Variants in HDAC4 observed in about 807,000 individuals in gnomAD.
The protein encoded by HDAC4 is histone deacetylase A.
Under a neutral mutation model 135.1 loss-of-function variants are expected in HDAC4, and 16 were observed. The ratio of observed to expected loss-of-function variants is 0.12; its 90% CI spans 0.08 to 0.18. The LOEUF is 0.18. HDAC4 is among the 10% of genes least tolerant of loss of function. The pLI, the probability that HDAC4 is intolerant of heterozygous loss-of-function variation, is 1.00. For missense variants in HDAC4, 1,143 were observed against 1,511.8 expected (o/e 0.76, Z 4.05); for synonymous variants, 685 against 653.4 (o/e 1.05, Z -0.74).
At chr2:239,206,366 C>T (rs759524343) in intron 3 of HDAC4, among the ~76,000 whole-genome samples, 9 of 151,430 alleles carry the variant, frequency 5.9e-5, no homozygotes, top group South Asian at 2.1e-4. Flanking sequence ...TTTTAAAATA[C>T]GGCTGTTATA....
chr2:239,322,777 T>C (rs2053356653), intron 2 of HDAC4, among the ~76,000 whole-genome samples: 1 of 152,126 alleles, frequency 6.6e-6, no homozygotes, highest in Admixed American at 6.5e-5. Flanking sequence ...AGCCTGGGTC[T>C]GTCACTCGGC....
intron 1 of HDAC4, among the ~76,000 whole-genome samples, chr2:239,378,709 C>T (rs1008258571): frequency 3.9e-5 from 6 of 152,090 alleles, no homozygotes; most frequent in African/African-American, 9.7e-5. Context: ...CCAATAACCC[C>T]GGGAACCAAT....
At chr2:239,315,286 G>A (rs1215999304) in intron 2 of HDAC4, among the ~76,000 whole-genome samples, 2 of 152,150 alleles carry the variant, frequency 1.3e-5, no homozygotes, top group African/African-American at 4.8e-5. Flanking sequence ...TTGGGCACAT[G>A]TTGTCAGCAC....
chr2:239,149,159 T>G lies in HDAC4; in HGVS notation c.734-4445A>C, dbSNP rs562413965. Reference sequence around the variant, plus strand: ...GCTCATGCCTGTAATCCCAGCACTTTGGGAGGCTGAGGCAGGTGGATCACC... The same window carrying G: ...GCTCATGCCTGTAATCCCAGCACTTGGGGAGGCTGAGGCAGGTGGATCACC... On this transcript the variant is annotated intron_variant, in intron 7 of 26. Transcript: ENST00000543185. 2.2e-4 allele frequency among the ~76,000 whole-genome samples: 33 copies of G among 152,206 alleles called. No homozygotes were observed. The South Asian group carries it at 5.6e-3, about 26-fold the overall frequency.
At chr2:239,161,549 G>A (rs1575240531) in intron 6 of HDAC4, among the ~76,000 whole-genome samples, 1 of 152,270 alleles carries the variant, frequency 6.6e-6, no homozygotes, top group South Asian at 2.1e-4. Context: ...ACTCCATGAT[G>A]TTTAAGTTCA....
At chr2:239,085,140 C>T (rs916574862) in intron 19 of HDAC4, among the ~76,000 whole-genome samples, 1 of 151,978 alleles carries the variant, frequency 6.6e-6, no homozygotes, top group Non-Finnish European at 1.5e-5. Flanking sequence ...ACCAACATTT[C>T]CCTCATCTTC....
chr2:239,144,400 G>A (rs1370346100), intron 8 of HDAC4, among the ~76,000 whole-genome samples, 183 bp downstream of exon 8: 3 of 152,150 alleles, frequency 2.0e-5, no homozygotes, highest in Non-Finnish European at 2.9e-5. Context: ...TAGACATGCC[G>A]GAGTCATCAA....
chr2:239,131,162 G>A (rs1317355251), intron 11 of HDAC4, among the ~76,000 whole-genome samples: 6 of 152,234 alleles, frequency 3.9e-5, no homozygotes, highest in Admixed American at 1.3e-4. Context: ...GGAACTGCCC[G>A]GAGCGGTGCG....
rs1449166423 is a variant in HDAC4, at chr2:239,282,200, TACAATGTACACACCTCTCTAC to T, written c.23-45557_23-45537del. On this transcript the variant is annotated intron_variant, in intron 2 of 26. Coordinates refer to ENST00000543185, the MANE Select transcript of HDAC4 (RefSeq NM_001378414.1). Reference sequence around the variant, plus strand: ...TCTACACACAATGTACACACCACTCTACAATGTACACACCTCTCTACACAATGTACACACCACTCTACAATG... The same window carrying T: ...TCTACACACAATGTACACACCACTCTACAATGTACACACCACTCTACAATG... 2.7e-3 allele frequency among the ~76,000 whole-genome samples: 315 copies of T among 116,896 alleles called. 13 individuals are homozygous for T. The highest frequency in any genetic ancestry group is 5.1e-3 in the East Asian group (16 of 3,138). 76.7% of individuals were successfully genotyped at this position (116,896 alleles called of 152,430 possible). A position where few individuals can be genotyped will look rare whatever the true frequency, so the allele number is the denominator to read the frequency against.
intron 11 of HDAC4, among the ~76,000 whole-genome samples, chr2:239,129,807 C>A (rs945940396): frequency 1.3e-5 from 2 of 152,208 alleles, no homozygotes; most frequent in African/African-American, 4.8e-5. Context: ...ATGCACCCAG[C>A]CATCCAGGGT....
rs2052761885 is a variant in HDAC4 at position 239,309,316 on chromosome 2, TCA to T, written c.22+43360_22+43361del. On this transcript the variant is annotated intron_variant, in intron 2 of 26. Transcript: ENST00000543185. This position sits in a 1 kb window ranked among gnomAD's most constrained non-coding sequence, Gnocchi z 4.2. ...TCACCACAGTGTTTCGGCTCGAGAG[TCA>T]CAAAGAACGCCCAGAACACTGTTTA... The T allele has an allele frequency of 6.6e-6, 1 of 151,288 alleles. No homozygotes were observed. The highest frequency in any genetic ancestry group is 2.4e-5 in the African/African-American group (1 of 41,134). The allele number at this position is 151,288 out of a possible 1,614,324, so 9.4% of individuals were successfully genotyped here.
chr2:239,384,784 G>A (rs900584345), intron 1 of HDAC4, among the ~76,000 whole-genome samples: 3 of 152,152 alleles, frequency 2.0e-5, no homozygotes, highest in African/African-American at 4.8e-5. Flanking sequence ...CTAAAATGCC[G>A]ATTTGTATTC....
intron 2 of HDAC4, among the ~76,000 whole-genome samples, chr2:239,265,553 G>A (rs569304350): frequency 3.4e-4 from 51 of 151,932 alleles, no homozygotes; most frequent in African/African-American, 1.2e-3. Context: ...GCGGTGGGGC[G>A]GGAACCCAGG....
intron 1 of HDAC4, among the ~76,000 whole-genome samples, chr2:239,392,688 G>A (rs1451461793): frequency 3.3e-5 from 5 of 152,190 alleles, no homozygotes; most frequent in Admixed American, 2.0e-4. Flanking sequence ...TACGGGGCTC[G>A]GACATGAGTC....
intron 1 of HDAC4, among the ~76,000 whole-genome samples, chr2:239,391,710 T>C (rs1479653904): frequency 2.0e-5 from 3 of 152,170 alleles, no homozygotes; most frequent in African/African-American, 7.2e-5. Flanking sequence ...TCTTGTCCAC[T>C]GCAGGCACAT....
chr2:239,318,658 C>T (rs113544727), intron 2 of HDAC4, among the ~76,000 whole-genome samples: 79 of 147,148 alleles, frequency 5.4e-4, no homozygotes, highest in African/African-American at 1.9e-3. Context: ...GAAGGCATCA[C>T]ATCTAACACT....
intron 11 of HDAC4, among the ~76,000 whole-genome samples, chr2:239,131,901 G>A (rs1458415956): frequency 2.0e-5 from 3 of 152,232 alleles, no homozygotes; most frequent in Admixed American, 2.0e-4. Flanking sequence ...TAGACAGCGT[G>A]GGGGCCTCCA....
intron 16 of HDAC4, among the ~76,000 whole-genome samples, chr2:239,095,978 A>G (rs3791379): frequency 0.21 from 32,101 of 152,134 alleles, 3,577 homozygotes; most frequent in East Asian, 0.31. Flanking sequence ...CCTTTATCCA[A>G]CGTGGGACCC....
In HDAC4 at chr2:239,111,691, G is replaced by C; in HGVS notation, c.1813C>G (p.Gln605Glu). Reference protein sequence around the residue: ...FRQQALLLEQQRIHQLRNYQA... With the variant: ...FRQQALLLEQERIHQLRNYQA... ...TAGTTCCTCAGCTGGTGGATCCGCT[G>C]CTGCTCCAGCAGGAGGGCTTGCTGC... Residue 605 changes from glutamine (Q) to glutamate (E), a missense_variant, in exon 14 of 27, where the codon CAG (glutamine) becomes GAG (glutamate). By Grantham distance (29) the Gln-to-Glu change is conservative (BLOSUM62 2). Around this residue, in one of 9 missense-constraint regions of HDAC4, gnomAD observed 196 missense variants for 210.7 expected, o/e 0.93. Coordinates refer to ENST00000543185, the MANE Select transcript of HDAC4 (RefSeq NM_001378414.1). 1 of 1,601,128 alleles carries C rather than the reference G, an allele frequency of 6.2e-7. No individual in the cohort carries two copies. The highest frequency in any genetic ancestry group is 8.5e-7 in the Non-Finnish European group (1 of 1,174,494).
Sources: allele counts gnomAD v4.1 joint callset (sites outside exome capture counted in the v4.1 genomes callset), GRCh38; gene constraint gnomAD v4.1.1; regional missense constraint gnomAD v4.1.1; non-coding constraint Gnocchi (gnomAD v3.1); transcripts MANE v1.5; gene names NCBI Gene and HGNC (gene_info 2026-07-23, HGNC 2026-07-21).